ZNF721: variants seen among roughly 807,000 people sequenced by gnomAD.
ZNF721 encodes the protein zinc finger protein 721.
Under a neutral mutation model 2.4 loss-of-function variants are expected in ZNF721, and 2 were observed. The observed-to-expected ratio is 0.82, with a 90% CI of 0.34 to 2.58. The LOEUF (loss-of-function observed/expected upper bound fraction) is 2.58, where lower values mean the gene tolerates loss of function less well. Among genes scored for constraint, ZNF721 ranks in the 30% most tolerant of loss-of-function variants. The pLI, the probability that ZNF721 is intolerant of heterozygous loss-of-function variation, is 0.11. For synonymous variants in ZNF721, 398 were observed against 381.8 expected, an observed-to-expected ratio of 1.04 and a Z score of -0.50; for missense variants, 1,187 against 1,085.5, an observed-to-expected ratio of 1.09 and a Z score of -1.31.
chr4:459,347 C>G lies in ZNF721; in HGVS notation c.34+13228G>C, dbSNP rs116461090. Among the ~76,000 whole-genome samples, 804 of 152,134 alleles carry G rather than the reference C, an allele frequency of 5.3e-3. 15 individuals are homozygous for G. In the South Asian group the frequency reaches 0.065, roughly 12 times the overall value. On this transcript the variant is annotated intron_variant, in intron 2 of 2. Transcript: ENST00000511833. ...GGCTAAATGCCCCAATTAAAAGACACAGACTGGAAAATTAGAGTCAAGACC... is the reference window on the plus strand; with the variant it reads ...GGCTAAATGCCCCAATTAAAAGACAGAGACTGGAAAATTAGAGTCAAGACC...
chr4:470,847 A>C (rs994085781), intron 2 of ZNF721, among the ~76,000 whole-genome samples: 8 of 152,038 alleles, frequency 5.3e-5, no homozygotes, highest in Admixed American at 2.0e-4. Flanking sequence ...AAAAAATACA[A>C]AACTTAGCTG....
chr4:447,240 T>C (rs1211384782), intron 2 of ZNF721, among the ~76,000 whole-genome samples: 1 of 152,002 alleles, frequency 6.6e-6, no homozygotes, highest in African/African-American at 2.4e-5. Flanking sequence ...GAGAATGGCA[T>C]GAACCCAGGA....
chr4:458,652 C>A (rs1292255674), intron 2 of ZNF721, among the ~76,000 whole-genome samples: 1 of 152,140 alleles, frequency 6.6e-6, no homozygotes, highest in African/African-American at 2.4e-5. Context: ...TCGAGACCAG[C>A]CTGGCCAACA....
intron 2 of ZNF721, 123 bp from the exon 3 acceptor site, chr4:444,555 C>T: frequency 1.0e-6 from 1 of 990,150 alleles, no homozygotes; most frequent in South Asian, 1.9e-5. Flanking sequence ...CAAGTCATAA[C>T]TTCTTCACAT....
rs1714355958 is a variant in ZNF721 at position 443,589 on chromosome 4, G to C, written c.878C>G (p.Thr293Ser). ...GKAFNISTTL[T>S]KHRRIHTGEK... ...TCCAGTATGAATTCTCCTATGTTTA[G>C]TAAGGGTTGTGGAAATATTAAAGGC... The change falls in exon 3 of 3, where the codon ACT becomes AGT. Residue 293 changes from threonine to serine, a missense_variant. Transcript: ENST00000511833. The C allele has an allele frequency of 3.7e-6, 6 of 1,613,562 alleles. No homozygotes were observed. Among genetic ancestry groups the C allele is most frequent in the Non-Finnish European group, 4.2e-6 (5 of 1,179,848 alleles).
intron 1 of ZNF721, among the ~76,000 whole-genome samples, chr4:498,215 G>GAAAAAAAAAAAAAA (rs797042296): frequency 4.8e-5 from 4 of 83,938 alleles, no homozygotes; most frequent in Non-Finnish European, 9.2e-5. Context: ...AAAAGAAAAA[G>GAAAAAAAAAAAAAA]AAAAAAAAAA....
Position 442,663 on chromosome 4 carries a change from G to C in ZNF721, c.1804C>G (p.Gln602Glu). ...TCTCCAGTATGAATTTTCTTGTGTT[G>C]ATTCAGGTCTGTGTACCGTCCAAAG... ...KAFGRYTDLN[Q>E]HKKIHTGEKL... Residue 602 changes from glutamine (Q) to glutamate (E), a missense_variant, in exon 3 of 3, where the codon CAA (glutamine) becomes GAA (glutamate). Transcript: ENST00000511833. The C allele has an allele frequency of 6.2e-7, 1 of 1,612,872 alleles. No individual in the cohort carries two copies. The highest frequency in any genetic ancestry group is 1.3e-5 in the African/African-American group (1 of 74,684).
chr4:466,820 A>G (rs1358626511), intron 2 of ZNF721, among the ~76,000 whole-genome samples: 1 of 152,212 alleles, frequency 6.6e-6, no homozygotes, highest in African/African-American at 2.4e-5. Context: ...TCAGGCTTAC[A>G]ATTTGATGTG....
rs1220038444 is a variant in ZNF721, at chr4:472,461, CTG to C, written c.34+112_34+113del. The stretch of plus-strand genomic sequence containing the variant: ...CTATACACATATATAACTTACATAG[CTG>C]TGTGTGTGAGACACACATTTTTATA... On this transcript the variant is annotated intron_variant, in intron 2 of 2. Transcript: ENST00000511833. 7 of 1,125,148 alleles carry C rather than the reference CTG, an allele frequency of 6.2e-6. No homozygotes were observed. The South Asian group carries it at 8.2e-5, about 13-fold the overall frequency. 69.7% of individuals were successfully genotyped at this position (1,125,148 alleles called of 1,614,324 possible).
chr4:498,378 G>A (rs1363510432), intron 1 of ZNF721, among the ~76,000 whole-genome samples: 1 of 152,190 alleles, frequency 6.6e-6, no homozygotes, highest in Non-Finnish European at 1.5e-5. Context: ...CTATCAATAT[G>A]CATTTATCTC....
At chr4:466,397 T>C (rs1715252508) in intron 2 of ZNF721, among the ~76,000 whole-genome samples, 1 of 152,232 alleles carries the variant, frequency 6.6e-6, no homozygotes, top group Non-Finnish European at 1.5e-5. Flanking sequence ...CATCTTCATT[T>C]ATGCTTGAGT....
chr4:477,466 C>A (rs1352163735), intron 1 of ZNF721, among the ~76,000 whole-genome samples: 2 of 151,842 alleles, frequency 1.3e-5, no homozygotes, highest in African/African-American at 4.8e-5. Flanking sequence ...TCTTGATCCC[C>A]GGACCTCGTG....
At chr4:479,062 C>T (rs1382551875) in intron 1 of ZNF721, among the ~76,000 whole-genome samples, 10 of 152,138 alleles carry the variant, frequency 6.6e-5, no homozygotes, top group South Asian at 6.2e-4. Flanking sequence ...CCACCGCGCC[C>T]GGCCCAAGTT....
chr4:481,334 C>T (rs1253985593), intron 1 of ZNF721, among the ~76,000 whole-genome samples: 19 of 152,226 alleles, frequency 1.2e-4, no homozygotes, highest in Admixed American at 1.2e-3. Flanking sequence ...TCCTTGACAA[C>T]ATTGACTCCC....
At chr4:496,878 A>G (rs1240996556) in intron 1 of ZNF721, among the ~76,000 whole-genome samples, 1 of 150,568 alleles carries the variant, frequency 6.6e-6, no homozygotes, top group Admixed American at 6.6e-5. Context: ...GCGCCCGGCT[A>G]ATTTTTTGTA....
Position 444,243 on chromosome 4 carries a change from T to C in ZNF721, c.224A>G (p.Asn75Ser). ...VYNGINKCLSNTQSKIFQCNA... is the reference protein window; with the variant it reads ...VYNGINKCLSSTQSKIFQCNA... Reference sequence around the variant, plus strand: ...ACATTGAAATATTTTGCTCTGAGTATTTGACAAGCATTTATTAATTCCATT... The same window carrying C: ...ACATTGAAATATTTTGCTCTGAGTACTTGACAAGCATTTATTAATTCCATT... Residue 75 changes from asparagine (N) to serine (S), a missense_variant, in exon 3 of 3, where the codon AAT becomes AGT. By Grantham distance (46) the Asn-to-Ser change is conservative. Coordinates refer to ENST00000511833, the MANE Select transcript of ZNF721 (RefSeq NM_133474.4). 1 of 1,613,748 alleles carries C rather than the reference T, an allele frequency of 6.2e-7. No individual in the cohort carries two copies. Among genetic ancestry groups the C allele is most frequent in the African/African-American group, 1.3e-5 (1 of 75,056 alleles).
At chr4:491,558 C>A (rs1320557092) in intron 1 of ZNF721, among the ~76,000 whole-genome samples, 5 of 152,210 alleles carry the variant, frequency 3.3e-5, no homozygotes, top group African/African-American at 4.8e-5. Context: ...ATGTTAAATA[C>A]AGGCAACAGG....
In ZNF721 at chr4:443,314, C is replaced by T; in HGVS notation, c.1153G>A (p.Gly385Arg). ...TCTTCACATTTGTAAGGTTTCTCTC[C>T]AGTATGAATTTTCTTGTGTTGATTC... ...ALNQHKKIHT[G>R]EKPYKCEECG... The change falls in exon 3 of 3, where the codon GGA (glycine) becomes AGA (arginine). Residue 385 changes from glycine to arginine, a missense_variant. Transcript: ENST00000511833. The T allele has an allele frequency of 6.8e-6, 11 of 1,614,050 alleles. No homozygotes were observed. The highest frequency in any genetic ancestry group is 9.3e-6 in the Non-Finnish European group (11 of 1,179,990).
chr4:450,950 AAAAAAAATATATATAT>A (rs1403495265), intron 2 of ZNF721, among the ~76,000 whole-genome samples: 584 of 45,014 alleles, frequency 0.013, 18 homozygotes, highest in Non-Finnish European at 0.018. Context: ...AAAAAAAAAA[AAAAAAAATATATATAT>A]ATATATATAT....
Sources: allele counts gnomAD v4.1 joint callset (sites outside exome capture counted in the v4.1 genomes callset), GRCh38; gene constraint gnomAD v4.1.1; transcripts MANE v1.5; gene names NCBI Gene and HGNC (gene_info 2026-07-23, HGNC 2026-07-21).